The following XYLT1 variants were observed in gnomAD, a reference collection of about 807,000 sequenced individuals.
The protein encoded by XYLT1 is xylosyltransferase 1.
XYLT1 carries 36 observed loss-of-function variants against 91.3 expected under a neutral mutation model. That is an observed-to-expected ratio of 0.39 (90% confidence interval 0.30 to 0.52). XYLT1 has a LOEUF of 0.52. Among genes scored for constraint, XYLT1 ranks in the 20% least tolerant of loss-of-function variants. The pLI, the probability that XYLT1 is intolerant of heterozygous loss-of-function variation, is 0.68. For missense variants in XYLT1, 1,242 were observed against 1,284.5 expected, an observed-to-expected ratio of 0.97 and a Z score of 0.51; for synonymous variants, 588 against 532.0, an observed-to-expected ratio of 1.11 and a Z score of -1.45.
chr16:17,460,384 A>G (rs1172449271), intron 1 of XYLT1, among the ~76,000 whole-genome samples: 1 of 152,220 alleles, frequency 6.6e-6, no homozygotes, highest in East Asian at 1.9e-4. Flanking sequence ...GGATGGCCTC[A>G]TGCTTATAAG....
chr16:17,232,752 G>A (rs2141723312), intron 3 of XYLT1, among the ~76,000 whole-genome samples: 1 of 151,984 alleles, frequency 6.6e-6, no homozygotes, highest in African/African-American at 2.4e-5. Context: ...TGTTGGCAAT[G>A]GTGGTAGTGA....
At chr16:17,164,298 T>A (rs2031628731) in intron 5 of XYLT1, among the ~76,000 whole-genome samples, 1 of 152,030 alleles carries the variant, frequency 6.6e-6, no homozygotes. Context: ...CACAAATTTT[T>A]TTTTTTTTTT....
chr16:17,282,280 C>T (rs1420021038), intron 2 of XYLT1, among the ~76,000 whole-genome samples: 2 of 152,074 alleles, frequency 1.3e-5, no homozygotes, highest in Non-Finnish European at 2.9e-5. Context: ...ACTTCCCTAC[C>T]CCCTGGCCAG....
At chr16:17,416,576 G>A (rs1029075738) in intron 1 of XYLT1, among the ~76,000 whole-genome samples, 1 of 152,150 alleles carries the variant, frequency 6.6e-6, no homozygotes, top group South Asian at 2.1e-4. Context: ...AGGCTGCCAC[G>A]CACATCGGCA....
chr16:17,120,265 ATTTCTATTTTCCTGCTTACAACCCC>A (rs1466658838), intron 10 of XYLT1, among the ~76,000 whole-genome samples: 10 of 152,230 alleles, frequency 6.6e-5, no homozygotes, highest in African/African-American at 2.4e-4. Context: ...AAGAAACCCG[ATTTCTATTTTCCTGCTTACAACCCC>A]TTTCAGCAAC....
intron 3 of XYLT1, among the ~76,000 whole-genome samples, chr16:17,225,332 G>C (rs958924917): frequency 3.9e-5 from 6 of 152,086 alleles, no homozygotes; most frequent in Admixed American, 3.3e-4. Flanking sequence ...TAATTTGCAG[G>C]GCTCACTACA....
rs566921138 is a variant in XYLT1 at position 17,102,633 on chromosome 16, T to C, written c.*6062A>G. 3 of 152,576 alleles carry C rather than the reference T, an allele frequency of 2.0e-5. No individual in the cohort carries two copies. In the South Asian group the frequency reaches 6.2e-4, roughly 32 times the overall value. 9.5% of individuals were successfully genotyped at this position (152,576 alleles called of 1,614,324 possible). A position where few individuals can be genotyped will look rare whatever the true frequency, so the allele number is the denominator to read the frequency against. On this transcript the variant is annotated 3_prime_UTR_variant, in exon 12 of 12. Coordinates refer to ENST00000261381, the MANE Select transcript of XYLT1 (RefSeq NM_022166.4). ...ACCTCAAGGAAAAGCATTCAGATGATTGGAACTTTGATTACTGGTCAATTT... is the reference window on the plus strand; with the variant it reads ...ACCTCAAGGAAAAGCATTCAGATGACTGGAACTTTGATTACTGGTCAATTT...
At chr16:17,160,945 G>A (rs183540145) in intron 5 of XYLT1, among the ~76,000 whole-genome samples, 6 of 152,102 alleles carry the variant, frequency 3.9e-5, no homozygotes, top group Non-Finnish European at 7.3e-5. Flanking sequence ...ACCACTCTCC[G>A]CAACAGTTCA....
At chr16:17,202,584 G>A (rs781041350) in intron 3 of XYLT1, among the ~76,000 whole-genome samples, 8 of 152,154 alleles carry the variant, frequency 5.3e-5, no homozygotes, top group South Asian at 2.1e-4. Context: ...AGATCTCTGC[G>A]TGGCTGCATC....
chr16:17,400,937 A>G (rs1197728866), intron 1 of XYLT1, among the ~76,000 whole-genome samples: 1 of 152,054 alleles, frequency 6.6e-6, no homozygotes, highest in Non-Finnish European at 1.5e-5. Flanking sequence ...GGGGGATGAC[A>G]TAATCCAGCT....
At chr16:17,320,933 A>C (rs1211760591) in intron 2 of XYLT1, among the ~76,000 whole-genome samples, 1 of 152,120 alleles carries the variant, frequency 6.6e-6, no homozygotes, top group Non-Finnish European at 1.5e-5. Context: ...TAAGGCACTT[A>C]GCACTTTTTA....
intron 3 of XYLT1, among the ~76,000 whole-genome samples, chr16:17,219,827 G>A (rs972419199): frequency 2.0e-5 from 3 of 152,008 alleles, no homozygotes; most frequent in South Asian, 2.1e-4. Context: ...TCAGGAGTTC[G>A]AGACCAGCCT....
chr16:17,408,003 C>T (rs1398718095), intron 1 of XYLT1, among the ~76,000 whole-genome samples: 2 of 152,254 alleles, frequency 1.3e-5, no homozygotes, highest in African/African-American at 2.4e-5. Context: ...CTCCCCTTCA[C>T]CTTCCACTGT....
At chr16:17,424,181 A>G (rs1282232054) in intron 1 of XYLT1, among the ~76,000 whole-genome samples, 1 of 152,232 alleles carries the variant, frequency 6.6e-6, no homozygotes, top group African/African-American at 2.4e-5. Flanking sequence ...AAACCCAAAA[A>G]GATCTGTGTC....
rs552001617 is a variant in XYLT1, at chr16:17,384,797, T to C, written c.364-26747A>G. 4.7e-4 allele frequency among the ~76,000 whole-genome samples: 72 copies of C among 152,004 alleles called. 3 individuals are homozygous for C. In the South Asian group the frequency reaches 0.014, roughly 29 times the overall value. Reference sequence around the variant, plus strand: ...GAGCAGCTCCGAGGGTGAGTAAAAATCCGCATTCCAAACTCATCTGACTTC... The same window carrying C: ...GAGCAGCTCCGAGGGTGAGTAAAAACCCGCATTCCAAACTCATCTGACTTC... On this transcript the variant is annotated intron_variant, in intron 1 of 11. Transcript: ENST00000261381.
intron 1 of XYLT1, among the ~76,000 whole-genome samples, chr16:17,409,210 C>G (rs1229239406): frequency 6.6e-6 from 1 of 152,138 alleles, no homozygotes; most frequent in East Asian, 1.9e-4. Context: ...CAATTCAGTT[C>G]TATTTTGAAG....
chr16:17,130,709 C>T (rs945771174), intron 9 of XYLT1, among the ~76,000 whole-genome samples: 1 of 152,170 alleles, frequency 6.6e-6, no homozygotes, highest in Non-Finnish European at 1.5e-5. Flanking sequence ...TATACCTGGG[C>T]CTCTGCAGGA....
chr16:17,467,151 T>C (rs913016274), intron 1 of XYLT1, among the ~76,000 whole-genome samples: 1 of 152,186 alleles, frequency 6.6e-6, no homozygotes, highest in Non-Finnish European at 1.5e-5. Flanking sequence ...TGTGTGCTTA[T>C]GTAGGGCGGC....
At chr16:17,450,770 T>A (rs538291083) in intron 1 of XYLT1, among the ~76,000 whole-genome samples, 2 of 152,268 alleles carry the variant, frequency 1.3e-5, no homozygotes, top group African/African-American at 4.8e-5. Context: ...CAGCCCGCCA[T>A]CACAGACAGA....
Sources: gnomAD v4.1 joint callset for allele counts (sites outside exome capture counted in the v4.1 genomes callset) on GRCh38, gnomAD v4.1.1 for gene constraint, MANE v1.5 for transcripts, NCBI Gene and HGNC (gene_info 2026-07-23, HGNC 2026-07-21) for gene names.